Variants in CRY1 observed in about 807,000 individuals in gnomAD.
CRY1 encodes the protein cryptochrome circadian regulator 1, also known as cryptochrome-1.
Under a neutral mutation model 76.0 loss-of-function variants are expected in CRY1, and 45 were observed. The observed-to-expected ratio is 0.59, with a 90% CI of 0.47 to 0.76. CRY1 has a LOEUF of 0.76. Ranked by LOEUF, CRY1 falls within the 30% of genes least tolerant of loss-of-function variation. The pLI is 0.00. For missense variants in CRY1, 587 were observed against 716.4 expected, an observed-to-expected ratio of 0.82 and a Z score of 2.06; for synonymous variants, 248 against 244.0, an observed-to-expected ratio of 1.02 and a Z score of -0.15.
At chr12:107,082,557 A>C (rs1593544848) in intron 1 of CRY1, among the ~76,000 whole-genome samples, 1 of 152,200 alleles carries the variant, frequency 6.6e-6, no homozygotes, top group African/African-American at 2.4e-5. Context: ...AAACCACACA[A>C]CTACATGGAA....
At chr12:107,052,630 C>T (rs1448047289) in intron 1 of CRY1, among the ~76,000 whole-genome samples, 1 of 152,170 alleles carries the variant, frequency 6.6e-6, no homozygotes, top group East Asian at 1.9e-4. Context: ...CAAGAAAATA[C>T]TCACTGATAA....
At chr12:107,030,604 T>TA (rs1952663974) in intron 1 of CRY1, among the ~76,000 whole-genome samples, 1 of 152,128 alleles carries the variant, frequency 6.6e-6, no homozygotes, top group Non-Finnish European at 1.5e-5. Flanking sequence ...ATGGCCAAGT[T>TA]AGTCTTCAAA....
intron 1 of CRY1, among the ~76,000 whole-genome samples, chr12:107,028,159 C>T (rs780891466): frequency 6.6e-5 from 10 of 152,028 alleles, no homozygotes; most frequent in Non-Finnish European, 1.2e-4. Context: ...GTTCTGTATA[C>T]ACCATCATAA....
intron 1 of CRY1, among the ~76,000 whole-genome samples, chr12:107,038,328 A>G (rs963149528): frequency 7.9e-5 from 12 of 152,210 alleles, no homozygotes; most frequent in African/African-American, 2.9e-4. Context: ...AGAATGGCTG[A>G]CAGAAAGAAG....
At chr12:107,012,498 G>A (rs1359328645) in intron 2 of CRY1, among the ~76,000 whole-genome samples, 1 of 152,168 alleles carries the variant, frequency 6.6e-6, no homozygotes, top group African/African-American at 2.4e-5. Flanking sequence ...ACAGACAAAC[G>A]TACTTTGTCA....
rs1952282299 is a variant in CRY1, at chr12:106,999,834, GA to G, written c.853del (p.Ser285ProfsTer43). On this transcript the variant is annotated frameshift_variant, in exon 7 of 13. Coordinates refer to ENST00000008527, the MANE Select transcript of CRY1 (RefSeq NM_004075.5). LOFTEE classifies it high-confidence loss of function. Reference protein sequence around the residue: ...KVKKNSSPPLSLYGQLLWREF... With the variant: ...KVKKNSSPPLXLYGQLLWREF... ...ACGCCATAACAGTTGCCCATAAAGGGAAAGGGGAGGGGAACTGTTCTTCTTT... is the reference window on the plus strand; with the variant it reads ...ACGCCATAACAGTTGCCCATAAAGGGAAGGGGAGGGGAACTGTTCTTCTTT... The G allele has an allele frequency of 6.2e-7, 1 of 1,613,478 alleles. No individual in the cohort carries two copies. Among genetic ancestry groups the G allele is most frequent in the Non-Finnish European group, 8.5e-7 (1 of 1,179,716 alleles).
chr12:107,030,728 T>A (rs995923715), intron 1 of CRY1, among the ~76,000 whole-genome samples: 9 of 151,952 alleles, frequency 5.9e-5, no homozygotes, highest in African/African-American at 1.9e-4. Context: ...GTAAATTTTA[T>A]TATGAAAAGT....
chr12:107,067,282 T>TC (rs1241635191), intron 1 of CRY1, among the ~76,000 whole-genome samples: 3 of 152,250 alleles, frequency 2.0e-5, no homozygotes, highest in Non-Finnish European at 4.4e-5. Flanking sequence ...GTCTAACTCT[T>TC]CAAGAAAGTT....
chr12:107,080,961 A>G (rs1199703684), intron 1 of CRY1, among the ~76,000 whole-genome samples: 1 of 152,100 alleles, frequency 6.6e-6, no homozygotes, highest in Non-Finnish European at 1.5e-5. Flanking sequence ...GCATGTTTAA[A>G]TGTTGATTGG....
At chr12:107,012,404 T>C (rs1057261825) in intron 2 of CRY1, among the ~76,000 whole-genome samples, 1 of 152,226 alleles carries the variant, frequency 6.6e-6, no homozygotes, top group Non-Finnish European at 1.5e-5. Context: ...CACATGTGTT[T>C]ACAACATGGT....
chr12:107,067,153 C>T (rs1337929688), intron 1 of CRY1, among the ~76,000 whole-genome samples: 1 of 152,006 alleles, frequency 6.6e-6, no homozygotes, highest in Non-Finnish European at 1.5e-5. Context: ...GACCTGTGGC[C>T]TGTTTTTGTA....
At chr12:107,034,037 C>T (rs916135786) in intron 1 of CRY1, among the ~76,000 whole-genome samples, 2 of 151,378 alleles carry the variant, frequency 1.3e-5, no homozygotes, top group African/African-American at 4.9e-5. Context: ...GGAAGTTAGG[C>T]GTTCTTAGTC....
Position 107,005,498 on chromosome 12 carries a change from T to C in CRY1, c.268-250A>G, listed in dbSNP as rs188259818. ...GCAATATGCTTAAAACCAGCTCTTATACTAAATGTGTTTGTAGAGCACTTT... is the reference window on the plus strand; with the variant it reads ...GCAATATGCTTAAAACCAGCTCTTACACTAAATGTGTTTGTAGAGCACTTT... On this transcript the variant is annotated intron_variant, in intron 2 of 12. Coordinates refer to ENST00000008527, the MANE Select transcript of CRY1 (RefSeq NM_004075.5). Among the ~76,000 whole-genome samples, 63 of 152,364 alleles carry C rather than the reference T, an allele frequency of 4.1e-4. No individual in the cohort carries two copies. The East Asian group carries it at 9.8e-3, about 24-fold the overall frequency.
intron 1 of CRY1, among the ~76,000 whole-genome samples, chr12:107,063,982 C>T (rs1372789537): frequency 6.6e-6 from 1 of 152,042 alleles, no homozygotes; most frequent in Non-Finnish European, 1.5e-5. Flanking sequence ...CTAAGCGCCA[C>T]CCTGGATATT....
Position 107,089,928 on chromosome 12 carries a change from CTT to C in CRY1, c.158+2874_158+2875del, listed in dbSNP as rs1953450783. 2.6e-5 allele frequency among the ~76,000 whole-genome samples: 4 copies of C among 152,174 alleles called. No homozygotes were observed. The South Asian group carries it at 8.3e-4, about 31-fold the overall frequency. ...GGTACTATGAGTGATTCCAAAAAGACTTTTGCCTCTGACACTACCAAAACCAC... is the reference window on the plus strand; with the variant it reads ...GGTACTATGAGTGATTCCAAAAAGACTTGCCTCTGACACTACCAAAACCAC... On this transcript the variant is annotated intron_variant, in intron 1 of 12. Coordinates refer to ENST00000008527, the MANE Select transcript of CRY1 (RefSeq NM_004075.5).
Position 106,997,902 on chromosome 12 carries a change from A to G in CRY1, c.1289+13T>C, listed in dbSNP as rs780414496. 6.2e-7 allele frequency: 1 copy of G among 1,610,802 alleles called. No individual in the cohort carries two copies. On this transcript the variant is annotated intron_variant, in intron 8 of 12. Transcript: ENST00000008527. ...AACTATTCCAAACTGAGTAGTAATC[A>G]CCCTTGATTTACCTGATATAGTCTC...
chr12:107,069,647 GTATATAAAGTA>G (rs1453827151), intron 1 of CRY1, among the ~76,000 whole-genome samples: 17 of 128,298 alleles, frequency 1.3e-4, no homozygotes, highest in African/African-American at 4.3e-4. Flanking sequence ...TATATAAAAA[GTATATAAAGTA>G]TATATAAAGT....
chr12:107,056,941 T>A (rs1952990325), intron 1 of CRY1, among the ~76,000 whole-genome samples: 1 of 152,140 alleles, frequency 6.6e-6, no homozygotes, highest in Non-Finnish European at 1.5e-5. Context: ...ATAGACATTT[T>A]GATAAAAGAT....
At chr12:107,026,343 C>A (rs955260194) in intron 1 of CRY1, among the ~76,000 whole-genome samples, 9 of 150,606 alleles carry the variant, frequency 6.0e-5, no homozygotes, top group South Asian at 2.1e-4. Context: ...GCAATTCTTG[C>A]GCCTCAGCCT....
Sources: allele counts gnomAD v4.1 joint callset (sites outside exome capture counted in the v4.1 genomes callset), GRCh38; gene constraint gnomAD v4.1.1; transcripts MANE v1.5; gene names NCBI Gene and HGNC (gene_info 2026-07-23, HGNC 2026-07-21).